The following GRID2IP variants were observed in gnomAD, a reference collection of about 807,000 sequenced individuals.
GRID2IP encodes the protein delphilin.
In GRID2IP, 78 loss-of-function variants were observed where a neutral mutation model predicts 114.3. The observed-to-expected ratio is 0.68, with a 90% CI of 0.57 to 0.82. The LOEUF (loss-of-function observed/expected upper bound fraction) is 0.82, where lower values mean the gene tolerates loss of function less well. Ranked by LOEUF, GRID2IP falls within the 40% of genes least tolerant of loss-of-function variation. The pLI, the probability that GRID2IP is intolerant of heterozygous loss-of-function variation, is 0.00. For synonymous variants in GRID2IP, 809 were observed against 724.0 expected, an observed-to-expected ratio of 1.12 and a Z score of -1.89; for missense variants, 1,727 against 1,678.5, an observed-to-expected ratio of 1.03 and a Z score of -0.51.
intron 1 of GRID2IP, among the ~76,000 whole-genome samples, chr7:6,540,687 ATTTT>A (rs34930808): frequency 4.3e-5 from 4 of 92,316 alleles, no homozygotes; most frequent in African/African-American, 9.3e-5. Context: ...CACCTGGCTA[ATTTT>A]TTTTTTTTTT....
Position 6,508,520 on chromosome 7 carries a change from G to C in GRID2IP, c.2128-119C>G. 2.0e-6 allele frequency: 3 copies of C among 1,478,186 alleles called. No individual in the cohort carries two copies. Among genetic ancestry groups the C allele is most frequent in the South Asian group, 1.3e-5 (1 of 74,764 alleles). 91.6% of individuals were successfully genotyped at this position (1,478,186 alleles called of 1,614,324 possible). A position where few individuals can be genotyped will look rare whatever the true frequency, so the allele number is the denominator to read the frequency against. On this transcript the variant is annotated intron_variant, in intron 12 of 21. Coordinates refer to ENST00000457091, the MANE Select transcript of GRID2IP (RefSeq NM_001145118.2). This position sits in a 1 kb window ranked among gnomAD's most constrained non-coding sequence, Gnocchi z 5.6. ...AAGGACAGGGCCATCTCACGGGTTA[G>C]CCTCAGGCTGTGAGGGACACCTGGG... is the stretch of plus-strand genomic sequence containing the variant.
chr7:6,525,326 A>G (rs1263250895), intron 4 of GRID2IP, among the ~76,000 whole-genome samples: 1 of 151,938 alleles, frequency 6.6e-6, no homozygotes, highest in Admixed American at 6.6e-5. Context: ...AAATTAAATA[A>G]AATTTTAAAA....
At chr7:6,544,801 G>A (rs1779863463) in intron 1 of GRID2IP, among the ~76,000 whole-genome samples, 2 of 152,006 alleles carry the variant, frequency 1.3e-5, no homozygotes, top group South Asian at 4.2e-4. Flanking sequence ...ATGAAAGACA[G>A]CCGGGCGCGG....
Position 6,536,691 on chromosome 7 carries a change from G to A in GRID2IP, c.584+3027C>T, listed in dbSNP as rs996660342. 7 of 661,294 alleles carry A rather than the reference G, an allele frequency of 1.1e-5. No individual in the cohort carries two copies. The highest frequency in any genetic ancestry group is 2.9e-5 in the East Asian group (1 of 34,924). The allele number at this position is 661,294 out of a possible 1,614,324, so 41.0% of individuals were successfully genotyped here. A position where few individuals can be genotyped will look rare whatever the true frequency, so the allele number is the denominator to read the frequency against. ...TCCCTGGTGGGGAGGGGCGGGACGG[G>A]GGGCTGCCTGTCAATCAGCTCCCCA... is the stretch of plus-strand genomic sequence containing the variant. On this transcript the variant is annotated intron_variant, in intron 2 of 21. Transcript: ENST00000457091. The surrounding 1 kb of genome is among the most constrained non-coding windows in gnomAD (Gnocchi z 5.3).
At chr7:6,517,801 G>C (rs555260103) in intron 7 of GRID2IP, among the ~76,000 whole-genome samples, 1 of 152,112 alleles carries the variant, frequency 6.6e-6, no homozygotes, top group Admixed American at 6.6e-5. Flanking sequence ...TACTCAGGAG[G>C]CTGAGGCAGG....
At chr7:6,540,804 T>G (rs1779805239) in intron 1 of GRID2IP, among the ~76,000 whole-genome samples, 1 of 150,916 alleles carries the variant, frequency 6.6e-6, no homozygotes, top group South Asian at 2.1e-4. Context: ...GTGCTGGGAT[T>G]ACAGGTGTCA....
rs1405517487 is a variant in GRID2IP at position 6,507,666 on chromosome 7, G to T, written c.2544+319C>A. ...AAAGTGAAAGGGTGAAGGCTGGTGT[G>T]CAGGAGTTTGAACCAGCTGCTCTTT... On this transcript the variant is annotated intron_variant, in intron 13 of 21. Transcript: ENST00000457091. The surrounding 1 kb of genome is among the most constrained non-coding windows in gnomAD (Gnocchi z 5.3). 6.6e-6 allele frequency among the ~76,000 whole-genome samples: 1 copy of T among 152,236 alleles called. No homozygotes were observed. Among genetic ancestry groups the T allele is most frequent in the Non-Finnish European group, 1.5e-5 (1 of 68,048 alleles).
intron 1 of GRID2IP, among the ~76,000 whole-genome samples, chr7:6,550,681 T>C (rs75252745): frequency 7.4e-6 from 1 of 135,656 alleles, no homozygotes; most frequent in Non-Finnish European, 1.6e-5. Flanking sequence ...AAAAAAAAAT[T>C]AGCTGGGTGT....
chr7:6,530,149 A>G (rs12113084), intron 2 of GRID2IP, among the ~76,000 whole-genome samples: 128,387 of 151,678 alleles, frequency 0.85, 54,926 homozygotes, highest in Non-Finnish European at 0.88. Context: ...TAGTTGAGAC[A>G]GGGTTTCACC....
chr7:6,497,602 G>C lies in GRID2IP; in HGVS notation c.*172C>G, dbSNP rs1309122655. The C allele has an allele frequency of 3.6e-6, 2 of 555,204 alleles. No individual in the cohort carries two copies. Among genetic ancestry groups the C allele is most frequent in the South Asian group, 4.5e-5 (2 of 44,310 alleles). 34.4% of individuals were successfully genotyped at this position (555,204 alleles called of 1,614,324 possible). On this transcript the variant is annotated 3_prime_UTR_variant, in exon 22 of 22. Coordinates refer to ENST00000457091, the MANE Select transcript of GRID2IP (RefSeq NM_001145118.2). ...GCTCTGGGCCTGGGGGTAGGAACAA[G>C]GGCTGGCAGAGGAGGGCCCGACCAC...
At chr7:6,522,053 C>CAG (rs924215384) in intron 4 of GRID2IP, 96 bp from the exon 5 acceptor site, 1 of 1,002,938 alleles carries the variant, frequency 1.0e-6, no homozygotes, top group African/African-American at 1.6e-5. Flanking sequence ...AATGGAGACT[C>CAG]AGAGACCCAT....
intron 20 of GRID2IP, among the ~76,000 whole-genome samples, chr7:6,500,335 G>C (rs917354732): frequency 2.6e-5 from 4 of 151,986 alleles, no homozygotes; most frequent in African/African-American, 9.7e-5. Context: ...GTGGTGGTGG[G>C]CACCTGTAAT....
chr7:6,546,938 C>T (rs1482693185), intron 1 of GRID2IP, among the ~76,000 whole-genome samples: 1 of 152,158 alleles, frequency 6.6e-6, no homozygotes, highest in East Asian at 1.9e-4. Context: ...TACTCGCACT[C>T]ACCAATATTT....
chr7:6,544,759 T>C (rs1241092739), intron 1 of GRID2IP, among the ~76,000 whole-genome samples: 1 of 152,000 alleles, frequency 6.6e-6, no homozygotes, highest in Non-Finnish European at 1.5e-5. Flanking sequence ...GAGACCAGCC[T>C]GGGCAACATA....
chr7:6,529,107 G>A (rs1435978429), intron 2 of GRID2IP, among the ~76,000 whole-genome samples: 1 of 152,110 alleles, frequency 6.6e-6, no homozygotes, highest in African/African-American at 2.4e-5. Flanking sequence ...AGTCCAACCT[G>A]GGCAGGGGTC....
At chr7:6,533,504 A>G (rs1458260400) in intron 2 of GRID2IP, among the ~76,000 whole-genome samples, 2 of 152,066 alleles carry the variant, frequency 1.3e-5, no homozygotes, top group East Asian at 3.9e-4. Context: ...GACTACAGGC[A>G]TGTACCACTA....
chr7:6,549,895 T>C (rs1224495561), intron 1 of GRID2IP, among the ~76,000 whole-genome samples: 1 of 151,850 alleles, frequency 6.6e-6, no homozygotes, highest in Non-Finnish European at 1.5e-5. Context: ...CCTCCCAAAG[T>C]GCTGGGATTA....
chr7:6,535,369 T>C (rs1779707545), intron 2 of GRID2IP, among the ~76,000 whole-genome samples: 1 of 152,254 alleles, frequency 6.6e-6, no homozygotes, highest in Non-Finnish European at 1.5e-5. Flanking sequence ...CAGTGGCTAC[T>C]GTGCTAGATG....
chr7:6,524,781 A>G, intron 4 of GRID2IP, among the ~76,000 whole-genome samples: 1 of 151,288 alleles, frequency 6.6e-6, no homozygotes, highest in Admixed American at 6.6e-5. Flanking sequence ...CAATGGCATG[A>G]TCTCAGCTCA....
Sources: gnomAD v4.1 joint callset for allele counts (sites outside exome capture counted in the v4.1 genomes callset) on GRCh38, gnomAD v4.1.1 for gene constraint, Gnocchi (gnomAD v3.1) non-coding constraint, MANE v1.5 for transcripts, NCBI Gene and HGNC (gene_info 2026-07-23, HGNC 2026-07-21) for gene names.